PPP1R12C: variants seen among roughly 807,000 people sequenced by gnomAD.
PPP1R12C encodes protein phosphatase 1 regulatory subunit 12C.
A neutral mutation model predicts 95.6 loss-of-function variants in PPP1R12C; 48 were observed. The ratio of observed to expected loss-of-function variants is 0.50; its 90% CI spans 0.40 to 0.64. PPP1R12C has a LOEUF of 0.64. Ranked by LOEUF, PPP1R12C falls within the 30% of genes least tolerant of loss-of-function variation. The pLI is 0.00. For missense variants in PPP1R12C, 1,057 were observed against 1,083.3 expected (o/e 0.98, Z 0.34); for synonymous variants, 480 against 460.8 (o/e 1.04, Z -0.53).
At chr19:55,113,567 C>A in intron 1 of PPP1R12C, 1 of 1,316,440 alleles carries the variant, frequency 7.6e-7, no homozygotes. Flanking sequence ...TGCCCCAGGC[C>A]TTGTGGACAC....
chr19:55,103,543 C>T lies in PPP1R12C; in HGVS notation c.597G>A (p.Arg199=). The T allele has an allele frequency of 6.3e-7, 1 of 1,593,388 alleles. No homozygotes were observed. Among genetic ancestry groups the T allele is most frequent in the Non-Finnish European group, 8.6e-7 (1 of 1,165,508 alleles). ...RRGVDVEAAK[R]AEEELLLHDT... ...CATGAAGGAGCAATTCCTCTTCTGC[C>T]CGCTTGGCTGCTTCCACATCCACAC... is the stretch of plus-strand genomic sequence containing the variant. The change falls in exon 4 of 22, where the codon CGG becomes CGA. Residue 199 remains arginine (R), a synonymous_variant. Transcript: ENST00000263433.
intron 3 of PPP1R12C, 45 bp downstream of exon 3, chr19:55,112,422 G>T (rs1299689486): frequency 3.9e-6 from 6 of 1,545,084 alleles, no homozygotes; most frequent in Non-Finnish European, 5.3e-6. Flanking sequence ...GAGACCACGG[G>T]TGAGGAGGTG....
At chr19:55,113,583 G>A in intron 1 of PPP1R12C, 4 of 1,303,578 alleles carry the variant, frequency 3.1e-6, no homozygotes, top group Non-Finnish European at 3.9e-6. Context: ...GACACTGGGT[G>A]GGCTCCGGGA....
chr19:55,109,886 A>C lies in PPP1R12C; in HGVS notation c.571+2581T>G, dbSNP rs1199208879. Reference sequence around the variant, plus strand: ...GGGTGTCACAGGCAGTCGCCTTGTGATTTGGGGCCGCAGAGTCCCACCCCG... The same window carrying C: ...GGGTGTCACAGGCAGTCGCCTTGTGCTTTGGGGCCGCAGAGTCCCACCCCG... On this transcript the variant is annotated intron_variant, in intron 3 of 21. Coordinates refer to ENST00000263433, the MANE Select transcript of PPP1R12C (RefSeq NM_017607.4). The surrounding 1 kb of genome is among the most constrained non-coding windows in gnomAD (Gnocchi z 4.4). Among the ~76,000 whole-genome samples, 1 of 152,042 alleles carries C rather than the reference A, an allele frequency of 6.6e-6. No individual in the cohort carries two copies. Among genetic ancestry groups the C allele is most frequent in the Non-Finnish European group, 1.5e-5 (1 of 67,996 alleles).
At position 55,096,247 on chromosome 19, in the gene PPP1R12C, C is replaced by G; in HGVS notation, c.1025+15G>C. On this transcript the variant is annotated intron_variant, in intron 7 of 21. Coordinates refer to ENST00000263433, the MANE Select transcript of PPP1R12C (RefSeq NM_017607.4). The stretch of plus-strand genomic sequence containing the variant: ...CCAGCCACCCCGCCAGCCCTGGACT[C>G]CTCCCTCCCTATACCTTCTGTGTTT... The G allele has an allele frequency of 6.2e-7, 1 of 1,613,886 alleles. No homozygotes were observed. The highest frequency in any genetic ancestry group is 8.5e-7 in the Non-Finnish European group (1 of 1,179,918).
At chr19:55,116,234 T>C (rs897809041) in intron 1 of PPP1R12C, among the ~76,000 whole-genome samples, 9 of 151,768 alleles carry the variant, frequency 5.9e-5, no homozygotes, top group Non-Finnish European at 7.4e-5. Flanking sequence ...AAACGAGAGA[T>C]GGCACAGGCC....
chr19:55,112,024 C>T (rs967758335), intron 3 of PPP1R12C: 2 of 158,988 alleles, frequency 1.3e-5, no homozygotes, highest in African/African-American at 4.8e-5. Flanking sequence ...TATGAAGGCT[C>T]CTGGGGTACG....
chr19:55,113,282 G>A (rs1283832435), intron 1 of PPP1R12C: 2 of 789,096 alleles, frequency 2.5e-6, no homozygotes, highest in African/African-American at 3.5e-5. Context: ...ATACTCTGCA[G>A]GAACGAAGCC....
intron 1 of PPP1R12C, chr19:55,113,770 G>T: frequency 3.0e-6 from 1 of 336,620 alleles, no homozygotes; most frequent in Non-Finnish European, 5.2e-6. Flanking sequence ...ACGTGCCCTG[G>T]GAACGGGATG....
Position 55,090,923 on chromosome 19 carries a change from A to T in PPP1R12C, c.*549T>A, listed in dbSNP as rs531041382. The T allele has an allele frequency of 2.6e-5, 4 of 154,676 alleles. No individual in the cohort carries two copies. Among genetic ancestry groups the T allele is most frequent in the African/African-American group, 9.6e-5 (4 of 41,582 alleles). 9.6% of individuals were successfully genotyped at this position (154,676 alleles called of 1,614,324 possible). The stretch of plus-strand genomic sequence containing the variant: ...CTGGGAACACAGAGCTTGAGTGGCA[A>T]CTTCACGACTTTTATTTGTGGTGCC... On this transcript the variant is annotated 3_prime_UTR_variant, in exon 22 of 22. Coordinates refer to ENST00000263433, the MANE Select transcript of PPP1R12C (RefSeq NM_017607.4).
rs2084908142 is a variant in PPP1R12C, at chr19:55,096,048, C to G, written c.1153+3G>C. On this transcript the variant is annotated splice_donor_region_variant and intron_variant, in intron 8 of 21. Transcript: ENST00000263433. ...CCCAGGAGTCCAGATTCAGGCCCCT[C>G]ACCGGTGGGACCTTCTTCCCCCTCA... 1 of 1,609,384 alleles carries G rather than the reference C, an allele frequency of 6.2e-7. No individual in the cohort carries two copies. The highest frequency in any genetic ancestry group is 1.3e-5 in the African/African-American group (1 of 74,868).
rs953834731 is a variant in PPP1R12C, at chr19:55,109,512, G to T, written c.571+2955C>A. 4.6e-5 allele frequency among the ~76,000 whole-genome samples: 7 copies of T among 152,256 alleles called. No homozygotes were observed. The highest frequency in any genetic ancestry group is 1.0e-4 in the Non-Finnish European group (7 of 68,042). On this transcript the variant is annotated intron_variant, in intron 3 of 21. Transcript: ENST00000263433. The surrounding 1 kb of genome is among the most constrained non-coding windows in gnomAD (Gnocchi z 4.4). ...CCAGAGGACTTTGCGGTGTTGGAGGGAGCGGTGGCTCCAGGCCACGAGGTG... is the reference window on the plus strand; with the variant it reads ...CCAGAGGACTTTGCGGTGTTGGAGGTAGCGGTGGCTCCAGGCCACGAGGTG...
At chr19:55,116,694 G>C (rs900795055) in intron 1 of PPP1R12C, among the ~76,000 whole-genome samples, 2 of 152,230 alleles carry the variant, frequency 1.3e-5, no homozygotes, top group Non-Finnish European at 2.9e-5. Context: ...GGCACAGCAA[G>C]GGCACTCGGG....
In PPP1R12C at chr19:55,094,711, G is replaced by A; in HGVS notation, c.1542C>T (p.Asn514=). Residue 514 remains asparagine, a synonymous_variant, in exon 12 of 22, where the codon AAC becomes AAT. Coordinates refer to ENST00000263433, the MANE Select transcript of PPP1R12C (RefSeq NM_017607.4). The part of the protein sequence containing the change: ...IPEPESPAKP[N]VPTASTAPPA... ...GGGGCGCCGTGGAGGCTGTGGGGAC[G>A]TTTGGCTTCGCTGGGGATTCAGGCT... 3 of 1,609,924 alleles carry A rather than the reference G, an allele frequency of 1.9e-6. No homozygotes were observed. The highest frequency in any genetic ancestry group is 2.5e-6 in the Non-Finnish European group (3 of 1,179,122).
intron 18 of PPP1R12C, 41 bp from the exon 19 acceptor site, chr19:55,092,367 G>A: frequency 4.8e-6 from 7 of 1,452,770 alleles, no homozygotes; most frequent in East Asian, 2.4e-5. Context: ...AGGATGGGGC[G>A]ATGCTGGGGG....
intron 16 of PPP1R12C, 21 bp from the exon 17 acceptor site, chr19:55,092,683 G>C (rs1368572086): frequency 6.6e-7 from 1 of 1,526,328 alleles, no homozygotes; most frequent in Non-Finnish European, 8.8e-7. Flanking sequence ...GTAGACGGGG[G>C]TTCAATGGGT....
Position 55,096,187 on chromosome 19 carries a change from G to GA in PPP1R12C, c.1026-10dup. 6.2e-7 allele frequency: 1 copy of GA among 1,608,366 alleles called. No individual in the cohort carries two copies. The highest frequency in any genetic ancestry group is 1.3e-5 in the African/African-American group (1 of 74,768). ...GACGACACACAGAGCTCCTGTTGGG[G>GA]AAGGAGAGGGTGCTGGGGTACAAGC... On this transcript the variant is annotated splice_polypyrimidine_tract_variant and intron_variant, in intron 7 of 21. Coordinates refer to ENST00000263433, the MANE Select transcript of PPP1R12C (RefSeq NM_017607.4).
intron 4 of PPP1R12C, among the ~76,000 whole-genome samples, chr19:55,101,135 C>G (rs781460384): frequency 2.0e-5 from 3 of 152,050 alleles, no homozygotes; most frequent in Non-Finnish European, 4.4e-5. Context: ...GTAATCACAG[C>G]TACTCAGGAG....
rs374745798 is a variant in PPP1R12C at position 55,095,306 on chromosome 19, G to A, written c.1439C>T (p.Pro480Leu). 6.3e-6 allele frequency: 10 copies of A among 1,581,112 alleles called. No individual in the cohort carries two copies. The highest frequency in any genetic ancestry group is 2.3e-5 in the East Asian group (1 of 42,886). ...RITPTPSPKL[P>L]EPSVLSEVTK... The stretch of plus-strand genomic sequence containing the variant: ...GGGGACTCACAGGACAGAGGGCTCC[G>A]GCAGCTTCGGGGAGGGGGTCGGGGT... Residue 480 changes from proline (P) to leucine (L), a missense_variant, in exon 11 of 22, where the codon CCG becomes CTG. Coordinates refer to ENST00000263433, the MANE Select transcript of PPP1R12C (RefSeq NM_017607.4).
Sources: allele counts gnomAD v4.1 joint callset (sites outside exome capture counted in the v4.1 genomes callset), GRCh38; gene constraint gnomAD v4.1.1; non-coding constraint Gnocchi (gnomAD v3.1); transcripts MANE v1.5; gene names NCBI Gene and HGNC (gene_info 2026-07-23, HGNC 2026-07-21).